Variants in SLC4A5 observed in about 807,000 individuals in gnomAD.
SLC4A5 encodes solute carrier family 4 member 5.
SLC4A5 carries 96 observed loss-of-function variants against 120.4 expected under a neutral mutation model. The ratio of observed to expected loss-of-function variants is 0.80; its 90% confidence interval spans 0.68 to 0.94. SLC4A5 has a LOEUF of 0.94. SLC4A5 is among the 40% of genes least tolerant of loss of function. The probability of loss-of-function intolerance (pLI) is 0.00; values close to 1 mark genes in which losing one functional copy is unlikely to be tolerated. For synonymous variants in SLC4A5, 550 were observed against 571.1 expected, an observed-to-expected ratio of 0.96 and a Z score of 0.53; for missense variants, 1,259 against 1,459.5, an observed-to-expected ratio of 0.86 and a Z score of 2.24.
chr2:74,339,163 T>G (rs1673567501), intron 2 of SLC4A5: 1 of 152,252 alleles, frequency 6.6e-6, no homozygotes, highest in South Asian at 2.1e-4. Flanking sequence ...GTCTCTACTT[T>G]GGAAAACGAT....
intron 8 of SLC4A5, among the ~76,000 whole-genome samples, chr2:74,277,583 G>A (rs978645904): frequency 1.3e-5 from 2 of 152,088 alleles, no homozygotes; most frequent in Non-Finnish European, 2.9e-5. Context: ...ATAAAGTACT[G>A]TTGCCAAAGG....
chr2:74,315,560 A>G (rs1246567002), intron 5 of SLC4A5, among the ~76,000 whole-genome samples: 2 of 151,264 alleles, frequency 1.3e-5, no homozygotes, highest in African/African-American at 4.8e-5. Flanking sequence ...GAGCACATAT[A>G]CTACGTCACA....
intron 22 of SLC4A5, 61 bp downstream of exon 22, chr2:74,235,040 A>G: frequency 7.5e-7 from 1 of 1,330,192 alleles, no homozygotes; most frequent in South Asian, 1.2e-5. Flanking sequence ...CACAGAGGGG[A>G]AAGAATCTGC....
At chr2:74,235,389 C>T (rs1036265207) in intron 21 of SLC4A5, among the ~76,000 whole-genome samples, 175 bp from the exon 22 acceptor site, 1 of 152,124 alleles carries the variant, frequency 6.6e-6, no homozygotes, top group Non-Finnish European at 1.5e-5. Context: ...CTTGGGGAAG[C>T]GTGTCATCTC....
At chr2:74,254,186 C>T (rs1259933590) in intron 14 of SLC4A5, among the ~76,000 whole-genome samples, 1 of 151,610 alleles carries the variant, frequency 6.6e-6, no homozygotes, top group East Asian at 1.9e-4. Flanking sequence ...TAGTCTCTGG[C>T]TCACCTCTCC....
intron 2 of SLC4A5, among the ~76,000 whole-genome samples, chr2:74,342,106 A>C (rs996899965): frequency 6.6e-6 from 1 of 152,214 alleles, no homozygotes; most frequent in Non-Finnish European, 1.5e-5. Flanking sequence ...CTCAAGAAAC[A>C]AAGTTTTCTA....
chr2:74,290,418 G>A, intron 7 of SLC4A5: 1 of 985,524 alleles, frequency 1.0e-6, no homozygotes, highest in Non-Finnish European at 1.2e-6. Context: ...AGAGAAGAAG[G>A]GGGGTTTGAG....
intron 3 of SLC4A5, among the ~76,000 whole-genome samples, 154 bp downstream of exon 3, chr2:74,338,701 C>T (rs572024322): frequency 1.3e-5 from 2 of 152,262 alleles, no homozygotes; most frequent in East Asian, 3.9e-4. Context: ...GTAGTCCCAG[C>T]TACTTGGGAA....
chr2:74,217,593 A>C (rs557572485), exon 31 of SLC4A5: 1 of 152,366 alleles, frequency 6.6e-6, no homozygotes, highest in Admixed American at 6.5e-5. Context: ...ATGTGATTCC[A>C]GGTATGAAAA....
chr2:74,312,065 T>C (rs755781033), intron 6 of SLC4A5, among the ~76,000 whole-genome samples: 2 of 152,198 alleles, frequency 1.3e-5, no homozygotes, highest in Non-Finnish European at 2.9e-5. Flanking sequence ...CCCTCCCTTA[T>C]CCCTGTTAAA....
In SLC4A5 at chr2:74,248,530, C is replaced by T. The variant is rs186255635; in HGVS notation, c.1654-44G>A. 2.1e-4 allele frequency: 331 copies of T among 1,608,638 alleles called. 2 individuals carry two copies. The East Asian group carries it at 4.5e-3, about 22-fold the overall frequency. On this transcript the variant is annotated intron_variant, in intron 17 of 30. Transcript: ENST00000394019. The stretch of plus-strand genomic sequence containing the variant: ...TGTGGTTCAGCATAGGAAGGAGAAG[C>T]GGTCTCTCCACACAGGCTGCAGCCC...
chr2:74,303,217 T>C (rs1302628214), intron 7 of SLC4A5, among the ~76,000 whole-genome samples: 2 of 152,094 alleles, frequency 1.3e-5, no homozygotes, highest in Admixed American at 6.6e-5. Flanking sequence ...CAAAGGCACA[T>C]TTACTCTGTA....
chr2:74,228,035 A>C (rs978390445), intron 25 of SLC4A5, among the ~76,000 whole-genome samples, 157 bp from the exon 26 acceptor site: 1 of 152,220 alleles, frequency 6.6e-6, no homozygotes, highest in African/African-American at 2.4e-5. Flanking sequence ...GCAGGGGTGA[A>C]GATGAGGGTC....
rs187698547 is a variant in SLC4A5, at chr2:74,333,661, G to A, written c.-70+366C>T. Among the ~76,000 whole-genome samples the A allele has an allele frequency of 2.2e-3, 328 of 152,198 alleles. 1 individual carries two copies. Among genetic ancestry groups the A allele is most frequent in the Non-Finnish European group, 3.9e-3 (263 of 68,002 alleles). On this transcript the variant is annotated intron_variant, in intron 4 of 30. Coordinates refer to ENST00000394019, the Ensembl canonical transcript of SLC4A5. ...AGCATCTTCAGATTATGATATCTAC[G>A]GGTGGTCCTGGCACCAATCCCTTGC...
intron 8 of SLC4A5, among the ~76,000 whole-genome samples, chr2:74,280,367 C>A (rs746095660): frequency 2.6e-5 from 4 of 152,192 alleles, no homozygotes; most frequent in Non-Finnish European, 4.4e-5. Flanking sequence ...ACAGTGCCCC[C>A]ATTACCAAAT....
chr2:74,333,142 A>C (rs1272507603), intron 4 of SLC4A5, among the ~76,000 whole-genome samples: 1 of 152,122 alleles, frequency 6.6e-6, no homozygotes, highest in African/African-American at 2.4e-5. Context: ...TACTGGAGGG[A>C]AGGTCACTAC....
intron 7 of SLC4A5, among the ~76,000 whole-genome samples, chr2:74,294,682 T>A (rs1487662835): frequency 9.3e-6 from 1 of 107,772 alleles, no homozygotes; most frequent in South Asian, 2.5e-4. Flanking sequence ...TTTTTTGGAT[T>A]TTTTTTTTTT....
At chr2:74,280,632 G>A (rs995667673) in intron 8 of SLC4A5, among the ~76,000 whole-genome samples, 1 of 152,044 alleles carries the variant, frequency 6.6e-6, no homozygotes, top group Non-Finnish European at 1.5e-5. Flanking sequence ...GGCTGGGGAT[G>A]CCTACTGCCC....
At chr2:74,264,489 C>CGTGTGT (rs59538523) in intron 9 of SLC4A5, among the ~76,000 whole-genome samples, 190 bp from the exon 10 acceptor site, 2,679 of 143,740 alleles carry the variant, frequency 0.019, 95 homozygotes, top group African/African-American at 0.064. Context: ...TTCAAGGGCA[C>CGTGTGT]GTGTGTGTGT....
Sources: gnomAD v4.1 joint callset for allele counts (sites outside exome capture counted in the v4.1 genomes callset) on GRCh38, gnomAD v4.1.1 for gene constraint, MANE v1.5 for transcripts, NCBI Gene and HGNC (gene_info 2026-07-23, HGNC 2026-07-21) for gene names.